YTHDC2: variants seen among roughly 807,000 people sequenced by gnomAD.
The protein encoded by YTHDC2 is YTH N6-methyladenosine RNA binding protein C2.
YTHDC2 carries 45 observed loss-of-function variants against 174.9 expected under a neutral mutation model. That is an observed-to-expected ratio of 0.26 (90% CI 0.20 to 0.33). The LOEUF (loss-of-function observed/expected upper bound fraction) is 0.33. Among genes scored for constraint, YTHDC2 ranks in the 10% least tolerant of loss-of-function variants. The pLI is 1.00. For missense variants in YTHDC2, 1,650 were observed against 1,723.7 expected, an observed-to-expected ratio of 0.96 and a Z score of 0.76; for synonymous variants, 657 against 574.5, an observed-to-expected ratio of 1.14 and a Z score of -2.05.
At chr5:113,563,715 T>A (rs1005588087) in intron 19 of YTHDC2, 144 bp from the exon 20 acceptor site, 17 of 1,016,902 alleles carry the variant, frequency 1.7e-5, no homozygotes, top group Non-Finnish European at 2.3e-5. Context: ...TTTTATATAG[T>A]ATAATAGAAA....
chr5:113,548,630 A>T lies in YTHDC2; in HGVS notation c.1585A>T (p.Met529Leu). Residue 529 changes from methionine to leucine, a missense_variant, in exon 11 of 30, where the codon ATG (methionine) becomes TTG (leucine). Coordinates refer to ENST00000161863, the MANE Select transcript of YTHDC2 (RefSeq NM_022828.5). ...FASQVEQLIS[M>L]GANVHSKASN... is the part of the protein sequence containing the mutation. ...AAGTCAAGTAGAACAGTTAATCAGTATGGGAGCCAATGTCCATAGTAAAGC... is the reference window on the plus strand; with the variant it reads ...AAGTCAAGTAGAACAGTTAATCAGTTTGGGAGCCAATGTCCATAGTAAAGC... The T allele has an allele frequency of 6.2e-7, 1 of 1,612,938 alleles. No homozygotes were observed. Among genetic ancestry groups the T allele is most frequent in the African/African-American group, 1.3e-5 (1 of 75,010 alleles).
At chr5:113,577,714 T>A (rs1310983639) in intron 23 of YTHDC2, among the ~76,000 whole-genome samples, 1 of 152,176 alleles carries the variant, frequency 6.6e-6, no homozygotes, top group East Asian at 1.9e-4. Context: ...AAATTTAGTA[T>A]CTTTTAATTA....
chr5:113,545,432 G>A (rs964348818), intron 10 of YTHDC2, among the ~76,000 whole-genome samples: 2 of 151,894 alleles, frequency 1.3e-5, no homozygotes, highest in African/African-American at 4.8e-5. Flanking sequence ...CACCCAGGCT[G>A]GAGTGCAGTG....
intron 19 of YTHDC2, 88 bp downstream of exon 19, chr5:113,563,580 A>T: frequency 1.4e-6 from 2 of 1,392,000 alleles, no homozygotes; most frequent in Non-Finnish European, 1.9e-6. Context: ...ATTTTGTATA[A>T]TTATTTTTTA....
At position 113,513,700 on chromosome 5, in the gene YTHDC2, C is replaced by T. The variant is rs1262991707; in HGVS notation, c.-196C>T. ...GTGACGTCATTACGCCCGCGCTCCT[C>T]GCCTGGCCGTGATATCAATGGCGCA... On this transcript the variant is annotated 5_prime_UTR_variant, in exon 1 of 30. Coordinates refer to ENST00000161863, the MANE Select transcript of YTHDC2 (RefSeq NM_022828.5). 1.6e-6 allele frequency: 1 copy of T among 634,488 alleles called. No individual in the cohort carries two copies. The highest frequency in any genetic ancestry group is 3.3e-5 in the East Asian group (1 of 29,958). 39.3% of individuals were successfully genotyped at this position (634,488 alleles called of 1,614,324 possible).
intron 17 of YTHDC2, among the ~76,000 whole-genome samples, chr5:113,558,108 G>C (rs1776734044): frequency 6.6e-6 from 1 of 152,222 alleles, no homozygotes; most frequent in African/African-American, 2.4e-5. Flanking sequence ...CTAAAAGGCA[G>C]AGGGAAAGTA....
chr5:113,553,272 G>A lies in YTHDC2; in HGVS notation c.1780G>A (p.Ala594Thr), dbSNP rs779755385. 6.2e-7 allele frequency: 1 copy of A among 1,608,122 alleles called. No homozygotes were observed. Among genetic ancestry groups the A allele is most frequent in the Non-Finnish European group, 8.5e-7 (1 of 1,177,864 alleles). Residue 594 changes from alanine (A) to threonine (T), a missense_variant, in exon 13 of 30, where the codon GCT becomes ACT. By Grantham distance (58) the Ala-to-Thr change is moderately conservative. Transcript: ENST00000161863. ...LSAEDRELLK[A>T]YHHSFDDEKV... is the part of the protein sequence containing the mutation. ...TGCTGAAGACAGAGAGCTCCTGAAA[G>A]CTTATCATCATAGTTTCGATGATGA...
intron 17 of YTHDC2, among the ~76,000 whole-genome samples, chr5:113,558,442 AATAG>A (rs1776751319): frequency 6.6e-6 from 1 of 152,158 alleles, no homozygotes; most frequent in Admixed American, 6.6e-5. Flanking sequence ...AATAAAAATA[AATAG>A]ATAATTAATT....
chr5:113,591,417 C>T (rs560845283), intron 27 of YTHDC2, among the ~76,000 whole-genome samples, 173 bp downstream of exon 27: 1 of 152,266 alleles, frequency 6.6e-6, no homozygotes, highest in Non-Finnish European at 1.5e-5. Context: ...CTGGAATCCT[C>T]TTTGTTTTTG....
Position 113,584,395 on chromosome 5 carries a change from A to T in YTHDC2, c.3741A>T (p.Arg1247=), listed in dbSNP as rs374507959. 6.8e-6 allele frequency: 11 copies of T among 1,613,924 alleles called. No homozygotes were observed. Among genetic ancestry groups the T allele is most frequent in the Non-Finnish European group, 7.6e-6 (9 of 1,179,868 alleles). ...ATCCTAAACGAGGTACTGAGGACCGATCAGATCAGTCTTCTCTGAAATCTA... is the reference window on the plus strand; with the variant it reads ...ATCCTAAACGAGGTACTGAGGACCGTTCAGATCAGTCTTCTCTGAAATCTA... ...ILHPKRGTED[R]SDQSSLKSTD... The change falls in exon 26 of 30, where the codon CGA becomes CGT. Residue 1247 remains arginine (R), a synonymous_variant. Coordinates refer to ENST00000161863, the MANE Select transcript of YTHDC2 (RefSeq NM_022828.5).
chr5:113,530,637 A>G (rs1488566409), intron 4 of YTHDC2, among the ~76,000 whole-genome samples: 1 of 152,134 alleles, frequency 6.6e-6, no homozygotes, highest in Non-Finnish European at 1.5e-5. Flanking sequence ...ACACACACAT[A>G]AGATATATAC....
At position 113,533,912 on chromosome 5, in the gene YTHDC2, T is replaced by C. The variant is rs546349264; in HGVS notation, c.843-393T>C. On this transcript the variant is annotated intron_variant, in intron 5 of 29. Transcript: ENST00000161863. ...AAAATCTGAAACCTAAAACCCTTTC[T>C]GTCTCGAGCATTTTGGATAAGGAAT... Among the ~76,000 whole-genome samples, 207 of 152,322 alleles carry C rather than the reference T, an allele frequency of 1.4e-3. 1 individual carries two copies. Among genetic ancestry groups the C allele is most frequent in the African/African-American group, 4.8e-3 (199 of 41,576 alleles).
At position 113,593,536 on chromosome 5, in the gene YTHDC2, C is replaced by A; in HGVS notation, c.*62C>A. 3.4e-6 allele frequency: 2 copies of A among 588,484 alleles called. No homozygotes were observed. Among genetic ancestry groups the A allele is most frequent in the Non-Finnish European group, 5.7e-6 (2 of 350,354 alleles). 36.5% of individuals were successfully genotyped at this position (588,484 alleles called of 1,614,324 possible). On this transcript the variant is annotated 3_prime_UTR_variant, in exon 30 of 30. Coordinates refer to ENST00000161863, the MANE Select transcript of YTHDC2 (RefSeq NM_022828.5). Reference sequence around the variant, plus strand: ...TATTTATAACCACTGAATGCACTGACTTTCAAAAACTGAGGTGGGGTGTGT... The same window carrying A: ...TATTTATAACCACTGAATGCACTGAATTTCAAAAACTGAGGTGGGGTGTGT...
At chr5:113,590,579 C>T (rs1031301904) in intron 26 of YTHDC2, among the ~76,000 whole-genome samples, 2 of 152,168 alleles carry the variant, frequency 1.3e-5, no homozygotes, top group African/African-American at 4.8e-5. Context: ...TGTGCAGCTC[C>T]TTTCTGTCTA....
chr5:113,574,819 G>C (rs933875776), intron 23 of YTHDC2, among the ~76,000 whole-genome samples: 1 of 152,134 alleles, frequency 6.6e-6, no homozygotes, highest in Non-Finnish European at 1.5e-5. Flanking sequence ...CTACGTTTCT[G>C]TGTGTGCCTG....
chr5:113,579,395 A>AT (rs1778257256), intron 23 of YTHDC2, among the ~76,000 whole-genome samples, 191 bp from the exon 24 acceptor site: 2 of 152,062 alleles, frequency 1.3e-5, no homozygotes, highest in Non-Finnish European at 2.9e-5. Flanking sequence ...TAGTCTTCAA[A>AT]TGGTCCCTTT....
chr5:113,562,547 G>GT (rs1341142495), intron 18 of YTHDC2, among the ~76,000 whole-genome samples: 1 of 152,206 alleles, frequency 6.6e-6, no homozygotes, highest in East Asian at 1.9e-4. Flanking sequence ...GTTCCTGCCT[G>GT]TGTCTCCAGT....
intron 13 of YTHDC2, 101 bp downstream of exon 13, chr5:113,553,460 G>A: frequency 1.4e-6 from 2 of 1,402,340 alleles, no homozygotes; most frequent in Non-Finnish European, 1.9e-6. Flanking sequence ...ATAGTAGTAA[G>A]TGAATAATCT....
At chr5:113,571,880 C>G (rs769454230) in intron 23 of YTHDC2, among the ~76,000 whole-genome samples, 10 of 152,098 alleles carry the variant, frequency 6.6e-5, no homozygotes, top group Non-Finnish European at 1.3e-4. Flanking sequence ...CTTTATTAAT[C>G]TAGCTAGCAG....
Sources: gnomAD v4.1 joint callset for allele counts (sites outside exome capture counted in the v4.1 genomes callset) on GRCh38, gnomAD v4.1.1 for gene constraint, MANE v1.5 for transcripts, NCBI Gene and HGNC (gene_info 2026-07-23, HGNC 2026-07-21) for gene names.